CCDC192: variants seen among roughly 807,000 people sequenced by gnomAD.
The protein encoded by CCDC192 is coiled-coil domain-containing protein 192.
At chr5:127,758,008 G>A (rs183046417) in intron 3 of CCDC192, among the ~76,000 whole-genome samples, 1 of 152,008 alleles carries the variant, frequency 6.6e-6, no homozygotes, top group Non-Finnish European at 1.5e-5. Flanking sequence ...TGGGGAGTGT[G>A]GAAGACACGA....
intron 3 of CCDC192, among the ~76,000 whole-genome samples, chr5:127,767,858 A>C (rs552438060): frequency 3.2e-4 from 49 of 152,302 alleles, no homozygotes; most frequent in African/African-American, 1.2e-3. Flanking sequence ...GTTATGGATT[A>C]AATCGTATGT....
intron 2 of CCDC192, among the ~76,000 whole-genome samples, chr5:127,746,947 A>G (rs2126853454): frequency 6.6e-6 from 1 of 152,220 alleles, no homozygotes; most frequent in South Asian, 2.1e-4. Context: ...TTCATTTACC[A>G]CCAGATGGCT....
intron 6 of CCDC192, among the ~76,000 whole-genome samples, chr5:127,896,584 C>T (rs1349930974): frequency 1.3e-5 from 2 of 152,080 alleles, no homozygotes; most frequent in African/African-American, 4.8e-5. Context: ...CAGGTGTGCA[C>T]CACCACACCT....
At chr5:127,842,540 C>T (rs972520260) in intron 5 of CCDC192, among the ~76,000 whole-genome samples, 1 of 152,158 alleles carries the variant, frequency 6.6e-6, no homozygotes, top group African/African-American at 2.4e-5. Context: ...AATTTTTGAA[C>T]AAAAGGTACC....
chr5:127,817,642 G>T (rs1474523042), intron 5 of CCDC192, among the ~76,000 whole-genome samples: 4 of 152,160 alleles, frequency 2.6e-5, no homozygotes, highest in Non-Finnish European at 5.9e-5. Context: ...GGGAGTGACT[G>T]CTAATGGATA....
chr5:127,912,882 A>G (rs1753415421), intron 6 of CCDC192, among the ~76,000 whole-genome samples: 1 of 152,142 alleles, frequency 6.6e-6, no homozygotes, highest in South Asian at 2.1e-4. Flanking sequence ...ACATTGCTCT[A>G]CCCTTCACCA....
chr5:127,780,728 T>C (rs564938025), intron 3 of CCDC192, among the ~76,000 whole-genome samples: 2 of 152,318 alleles, frequency 1.3e-5, no homozygotes, highest in East Asian at 3.9e-4. Context: ...TATTAGTCCT[T>C]TGTCAGATGT....
chr5:127,712,560 A>G (rs761659356), intron 2 of CCDC192, among the ~76,000 whole-genome samples: 13 of 152,244 alleles, frequency 8.5e-5, no homozygotes, highest in Non-Finnish European at 1.5e-4. Context: ...TACAGCCTAC[A>G]GATCCATCAG....
intron 6 of CCDC192, among the ~76,000 whole-genome samples, chr5:127,917,086 T>G (rs1482846392): frequency 2.6e-5 from 4 of 152,368 alleles, no homozygotes; most frequent in Non-Finnish European, 5.9e-5. Context: ...GCACTTTCTG[T>G]TTCAGTTTGC....
intron 6 of CCDC192, among the ~76,000 whole-genome samples, chr5:127,934,189 TC>T (rs5871281): frequency 0.47 from 71,789 of 151,980 alleles, 18,636 homozygotes; most frequent in East Asian, 0.61. Flanking sequence ...AAGTATTTGT[TC>T]CCTTCTAAGT....
At chr5:127,817,420 C>T (rs950012894) in intron 5 of CCDC192, among the ~76,000 whole-genome samples, 9 of 152,036 alleles carry the variant, frequency 5.9e-5, no homozygotes, top group African/African-American at 1.4e-4. Context: ...AATGGATAAA[C>T]AAAATGTAAA....
At chr5:127,930,936 C>T (rs1167778078) in intron 6 of CCDC192, among the ~76,000 whole-genome samples, 1 of 152,226 alleles carries the variant, frequency 6.6e-6, no homozygotes, top group East Asian at 1.9e-4. Flanking sequence ...GCACAAACGA[C>T]CAACACCCTG....
At chr5:127,863,296 T>C (rs245176) in intron 5 of CCDC192, among the ~76,000 whole-genome samples, 159 of 152,316 alleles carry the variant, frequency 1.0e-3, no homozygotes, top group Non-Finnish European at 1.5e-3. Flanking sequence ...ACAATATGTA[T>C]ACATACCATG....
At chr5:127,904,666 T>C (rs1046647317) in intron 6 of CCDC192, among the ~76,000 whole-genome samples, 1 of 151,996 alleles carries the variant, frequency 6.6e-6, no homozygotes, top group Admixed American at 6.6e-5. Flanking sequence ...CGCACCCAAC[T>C]AATTTTTGTA....
At chr5:127,854,347 G>A (rs1245077012) in intron 5 of CCDC192, among the ~76,000 whole-genome samples, 1 of 152,108 alleles carries the variant, frequency 6.6e-6, no homozygotes, top group Non-Finnish European at 1.5e-5. Context: ...ATTTACGGTT[G>A]CGCCTTCTGC....
intron 3 of CCDC192, among the ~76,000 whole-genome samples, chr5:127,771,445 T>C (rs1431461873): frequency 6.6e-6 from 1 of 152,194 alleles, no homozygotes; most frequent in Non-Finnish European, 1.5e-5. Flanking sequence ...AGCAAAAGTA[T>C]GGGATGATAA....
chr5:127,914,976 C>CT (rs1753477687), intron 6 of CCDC192, among the ~76,000 whole-genome samples: 1 of 152,120 alleles, frequency 6.6e-6, no homozygotes, highest in Non-Finnish European at 1.5e-5. Context: ...GAAAATAGGA[C>CT]TTATGTGTCA....
At chr5:127,732,708 G>A (rs368986983) in intron 2 of CCDC192, among the ~76,000 whole-genome samples, 2 of 152,164 alleles carry the variant, frequency 1.3e-5, no homozygotes, top group Non-Finnish European at 2.9e-5. Context: ...GGATGGAGCT[G>A]GAAGCCATTA....
intron 5 of CCDC192, among the ~76,000 whole-genome samples, chr5:127,864,891 T>C (rs1365040803): frequency 6.6e-6 from 1 of 152,232 alleles, no homozygotes; most frequent in East Asian, 1.9e-4. Context: ...TTCACGCCTG[T>C]AACCCCAGCA....
Sources: gnomAD v4.1 joint callset for allele counts (sites outside exome capture counted in the v4.1 genomes callset) on GRCh38, gnomAD v4.1.1 for gene constraint, MANE v1.5 for transcripts, NCBI Gene and HGNC (gene_info 2026-07-23, HGNC 2026-07-21) for gene names.